Variants in KCNK2 observed in about 807,000 individuals in gnomAD.
KCNK2 encodes the protein potassium two pore domain channel subfamily K member 2.
Under a neutral mutation model 40.5 loss-of-function variants are expected in KCNK2, and 21 were observed. That is an observed-to-expected ratio of 0.52 (90% CI 0.37 to 0.75). The LOEUF (loss-of-function observed/expected upper bound fraction) is 0.75. KCNK2 is among the 30% of genes least tolerant of loss of function. The pLI is 0.00. For missense variants in KCNK2, 399 were observed against 531.6 expected (o/e 0.75, Z 2.45); for synonymous variants, 191 against 202.2 (o/e 0.94, Z 0.47).
At chr1:215,072,681 G>C (rs950236132) in intron 1 of KCNK2, among the ~76,000 whole-genome samples, 1 of 152,174 alleles carries the variant, frequency 6.6e-6, no homozygotes, top group African/African-American at 2.4e-5. Flanking sequence ...TGGAAATCCA[G>C]AGATTCTGAA....
chr1:215,091,924 GA>G (rs1204794342), intron 2 of KCNK2, among the ~76,000 whole-genome samples: 1 of 152,146 alleles, frequency 6.6e-6, no homozygotes, highest in Admixed American at 6.5e-5. Context: ...GGTAGAAGGT[GA>G]TGTCAGGCAG....
intron 3 of KCNK2, among the ~76,000 whole-genome samples, chr1:215,140,075 A>C (rs941381908): frequency 6.6e-6 from 1 of 152,170 alleles, no homozygotes; most frequent in Non-Finnish European, 1.5e-5. Flanking sequence ...GTTTGCTGGC[A>C]TAAGTATCTG....
intron 5 of KCNK2, among the ~76,000 whole-genome samples, chr1:215,192,984 C>T (rs1399475770): frequency 6.6e-6 from 1 of 151,944 alleles, no homozygotes; most frequent in Non-Finnish European, 1.5e-5. Context: ...AATTTCTCTA[C>T]AATAATGTTA....
chr1:215,188,534 C>T (rs1378306556), intron 5 of KCNK2, among the ~76,000 whole-genome samples: 3 of 152,042 alleles, frequency 2.0e-5, no homozygotes, highest in Admixed American at 2.0e-4. Context: ...AGAGCTTGCT[C>T]AATTTAAGAG....
In KCNK2 at chr1:215,021,845, G is replaced by A. The variant is rs1656808061; in HGVS notation, c.34+15890G>A. On this transcript the variant is annotated intron_variant, in intron 1 of 6. Transcript: ENST00000391895. Reference sequence around the variant, plus strand: ...ATTACAGGCGTGAGCCACTGCGCCCGGCCACAACCATCTTCATCTGCCCTT... The same window carrying A: ...ATTACAGGCGTGAGCCACTGCGCCCAGCCACAACCATCTTCATCTGCCCTT... Among the ~76,000 whole-genome samples the A allele has an allele frequency of 2.0e-5, 3 of 152,064 alleles. No homozygotes were observed. In the South Asian group the frequency reaches 6.2e-4, roughly 31 times the overall value.
chr1:215,045,733 G>A (rs1004295648), intron 1 of KCNK2, among the ~76,000 whole-genome samples: 7 of 152,056 alleles, frequency 4.6e-5, no homozygotes, highest in African/African-American at 1.7e-4. Context: ...TATTCAAGAT[G>A]CCCTATGTCT....
At chr1:215,124,538 C>G (rs1661332286) in intron 2 of KCNK2, 95 bp from the exon 3 acceptor site, 3 of 782,586 alleles carry the variant, frequency 3.8e-6, no homozygotes, top group Admixed American at 3.9e-5. Context: ...AGTTGATTCT[C>G]TTTGTCAAAT....
chr1:215,131,171 T>G (rs1209982549), intron 3 of KCNK2, among the ~76,000 whole-genome samples: 1 of 151,558 alleles, frequency 6.6e-6, no homozygotes, highest in African/African-American at 2.4e-5. Flanking sequence ...GTTTTTTTTA[T>G]TTTTAAGTTT....
intron 2 of KCNK2, among the ~76,000 whole-genome samples, chr1:215,109,839 C>T (rs1382796325): frequency 6.6e-6 from 1 of 152,118 alleles, no homozygotes; most frequent in African/African-American, 2.4e-5. Context: ...TTTCCACCAG[C>T]AGTGTATACG....
intron 3 of KCNK2, among the ~76,000 whole-genome samples, chr1:215,162,331 G>A (rs1663238036): frequency 6.6e-6 from 1 of 152,160 alleles, no homozygotes. Context: ...CCCTTTGTCA[G>A]ATGGATAGAT....
chr1:215,088,930 A>G (rs909353722), intron 2 of KCNK2, among the ~76,000 whole-genome samples: 1 of 151,836 alleles, frequency 6.6e-6, no homozygotes, highest in African/African-American at 2.4e-5. Flanking sequence ...CCTTTTATTT[A>G]CTCTTACACT....
At chr1:215,154,251 C>G (rs1662812790) in intron 3 of KCNK2, among the ~76,000 whole-genome samples, 1 of 152,166 alleles carries the variant, frequency 6.6e-6, no homozygotes, top group African/African-American at 2.4e-5. Flanking sequence ...GCCTTGTGAG[C>G]ATCTATTGTT....
At chr1:215,123,581 T>G (rs1314209879) in intron 2 of KCNK2, among the ~76,000 whole-genome samples, 1 of 152,188 alleles carries the variant, frequency 6.6e-6, no homozygotes, top group Non-Finnish European at 1.5e-5. Context: ...TTACCTGTTC[T>G]TTTTCATGTG....
intron 1 of KCNK2, among the ~76,000 whole-genome samples, chr1:215,030,709 ATT>A (rs66479154): frequency 0.75 from 105,141 of 140,192 alleles, 40,727 homozygotes; most frequent in East Asian, 0.85. Flanking sequence ...TAATTTTTGT[ATT>A]TTTTTTTTTT....
chr1:215,147,968 A>G (rs1571665472), intron 3 of KCNK2, among the ~76,000 whole-genome samples: 1 of 151,704 alleles, frequency 6.6e-6, no homozygotes, highest in East Asian at 1.9e-4. Flanking sequence ...TTCTCATCCT[A>G]CTTTCAACTC....
intron 6 of KCNK2, among the ~76,000 whole-genome samples, chr1:215,198,789 A>T (rs1016338962): frequency 1.3e-5 from 2 of 152,222 alleles, no homozygotes; most frequent in Non-Finnish European, 2.9e-5. Context: ...TTCTTCACTA[A>T]AAGATTTAAC....
chr1:215,074,696 G>C (rs1347407980), intron 1 of KCNK2, among the ~76,000 whole-genome samples: 1 of 152,140 alleles, frequency 6.6e-6, no homozygotes, highest in Non-Finnish European at 1.5e-5. Flanking sequence ...TAATTGCTTT[G>C]CCTAGTATTG....
chr1:215,210,849 C>T (rs745796918), intron 6 of KCNK2, among the ~76,000 whole-genome samples: 4 of 53,400 alleles, frequency 7.5e-5, no homozygotes, highest in African/African-American at 1.4e-4. Context: ...GGTACTACCC[C>T]GACTTATCTC....
chr1:215,204,163 T>C (rs1163683200), intron 6 of KCNK2, among the ~76,000 whole-genome samples: 1 of 151,204 alleles, frequency 6.6e-6, no homozygotes, highest in Non-Finnish European at 1.5e-5. Flanking sequence ...TCTTGCTGTC[T>C]CTATTGAGGT....
Sources: allele counts gnomAD v4.1 joint callset (sites outside exome capture counted in the v4.1 genomes callset), GRCh38; gene constraint gnomAD v4.1.1; transcripts MANE v1.5; gene names NCBI Gene and HGNC (gene_info 2026-07-23, HGNC 2026-07-21).